Variants in C19orf84 observed in about 807,000 individuals in gnomAD.
The protein encoded by C19orf84 is chromosome 19 open reading frame 84.
Under a neutral mutation model 4.0 loss-of-function variants are expected in C19orf84, and 1 was observed. That is an observed-to-expected ratio of 0.25 (90% CI 0.09 to 1.19). The LOEUF (loss-of-function observed/expected upper bound fraction) is 1.19, where lower values mean the gene tolerates loss of function less well. Ranked by LOEUF, C19orf84 falls within the 50% of genes most tolerant of loss-of-function variation. C19orf84 has a pLI of 0.50. For missense variants in C19orf84, 224 were observed against 246.8 expected (o/e 0.91, Z 0.62); for synonymous variants, 123 against 109.6 (o/e 1.12, Z -0.76).
chr19:51,389,454 G>T lies in C19orf84; in HGVS notation c.91C>A (p.Pro31Thr). Reference sequence around the variant, plus strand: ...TTCAGGAGCAAGGGTGGAGGGGCTGGGAGAGGCGCAGGGGGCCATGGCTCG... The same window carrying T: ...TTCAGGAGCAAGGGTGGAGGGGCTGTGAGAGGCGCAGGGGGCCATGGCTCG... ...GTEPWPPAPL[P>T]APPPLLLNST... is the part of the protein sequence containing the mutation. Residue 31 changes from proline (P) to threonine (T), a missense_variant, in exon 2 of 2, where the codon CCA (proline) becomes ACA (threonine). Pro to Thr is a conservative substitution (Grantham distance 38, BLOSUM62 -1). Transcript: ENST00000574814. This position sits in a 1 kb window ranked among gnomAD's most constrained non-coding sequence, Gnocchi z 4.7. 6.9e-7 allele frequency: 1 copy of T among 1,445,914 alleles called. No individual in the cohort carries two copies. The highest frequency in any genetic ancestry group is 1.4e-5 in the African/African-American group (1 of 70,174). The allele number at this position is 1,445,914 out of a possible 1,614,324, so 89.6% of individuals were successfully genotyped here.
Position 51,388,907 on chromosome 19 carries a change from C to G in C19orf84, c.*77G>C. ...AAGATGTTTCTTGGGGTTCTTCTGA[C>G]AGGGCTGAGATCACTCTGGGCCCCA... On this transcript the variant is annotated 3_prime_UTR_variant, in exon 2 of 2. Transcript: ENST00000574814. 2.1e-6 allele frequency: 3 copies of G among 1,456,662 alleles called. No homozygotes were observed. The highest frequency in any genetic ancestry group is 2.7e-6 in the Non-Finnish European group (3 of 1,092,072). 90.2% of individuals were successfully genotyped at this position (1,456,662 alleles called of 1,614,324 possible). A position where few individuals can be genotyped will look rare whatever the true frequency, so the allele number is the denominator to read the frequency against.
At position 51,388,366 on chromosome 19, in the gene C19orf84, G is replaced by T; in HGVS notation, c.*618C>A. 6.4e-6 allele frequency: 1 copy of T among 156,154 alleles called. No individual in the cohort carries two copies. Among genetic ancestry groups the T allele is most frequent in the Non-Finnish European group, 1.4e-5 (1 of 70,462 alleles). The allele number at this position is 156,154 out of a possible 1,614,324, so 9.7% of individuals were successfully genotyped here. The stretch of plus-strand genomic sequence containing the variant: ...CAGGCAGTGGGGTGGGGAGTCACAG[G>T]TGTCTGGGTATGTGGGGCCAATGCG... On this transcript the variant is annotated 3_prime_UTR_variant, in exon 2 of 2. Coordinates refer to ENST00000574814, the MANE Select transcript of C19orf84 (RefSeq NM_001193623.2).
rs1187186439 is a variant in C19orf84 at position 51,389,649 on chromosome 19, T to C, written c.36-140A>G. On this transcript the variant is annotated intron_variant, in intron 1 of 1. Coordinates refer to ENST00000574814, the MANE Select transcript of C19orf84 (RefSeq NM_001193623.2). This position sits in a 1 kb window ranked among gnomAD's most constrained non-coding sequence, Gnocchi z 4.7. ...GCCCACCTGTGACTTCCTCCCCCGCTTCTCTCTTTTTGTTTCTAACCCGGG... is the reference window on the plus strand; with the variant it reads ...GCCCACCTGTGACTTCCTCCCCCGCCTCTCTCTTTTTGTTTCTAACCCGGG... The C allele has an allele frequency of 1.6e-6, 1 of 612,546 alleles. No individual in the cohort carries two copies. The highest frequency in any genetic ancestry group is 3.4e-5 in the East Asian group (1 of 29,366). The allele number at this position is 612,546 out of a possible 1,614,324, so 37.9% of individuals were successfully genotyped here.
rs1395286382 is a variant in C19orf84, at chr19:51,389,205, T to C, written c.340A>G (p.Arg114Gly). The C allele has an allele frequency of 6.5e-7, 1 of 1,534,178 alleles. No homozygotes were observed. Among genetic ancestry groups the C allele is most frequent in the Non-Finnish European group, 8.7e-7 (1 of 1,145,832 alleles). Reference sequence around the variant, plus strand: ...TGCAGGCCTCGGCCCCAGCCTGGCCTGTGCCTGACTTCCCAGCCTCCGCGT... The same window carrying C: ...TGCAGGCCTCGGCCCCAGCCTGGCCCGTGCCTGACTTCCCAGCCTCCGCGT... ...RGRGGWEVRH[R>G]PGWGRGLHRR... The change falls in exon 2 of 2, where the codon AGG (arginine) becomes GGG (glycine). Residue 114 changes from arginine to glycine, a missense_variant. Physicochemically the swap from Arg to Gly is moderately radical, Grantham distance 125. Coordinates refer to ENST00000574814, the MANE Select transcript of C19orf84 (RefSeq NM_001193623.2). The surrounding 1 kb of genome is among the most constrained non-coding windows in gnomAD (Gnocchi z 4.7).
rs1055353693 is a variant in C19orf84, at chr19:51,388,679, C to T, written c.*305G>A. On this transcript the variant is annotated 3_prime_UTR_variant, in exon 2 of 2. Coordinates refer to ENST00000574814, the MANE Select transcript of C19orf84 (RefSeq NM_001193623.2). ...GATAGGGAATGGGGTTGGAGGAGCC[C>T]TGGGGGTTGAGAATGAGGTAAGGAT... The T allele has an allele frequency of 4.7e-6, 2 of 421,600 alleles. No individual in the cohort carries two copies. Among genetic ancestry groups the T allele is most frequent in the Middle Eastern group, 6.6e-4 (1 of 1,522 alleles). The allele number at this position is 421,600 out of a possible 1,614,324, so 26.1% of individuals were successfully genotyped here.
In C19orf84 at chr19:51,388,858, G is replaced by A; in HGVS notation, c.*126C>T. On this transcript the variant is annotated 3_prime_UTR_variant, in exon 2 of 2. Coordinates refer to ENST00000574814, the MANE Select transcript of C19orf84 (RefSeq NM_001193623.2). ...TCACAGGAGCTACTCCTGGGATTGT[G>A]GTTTTGGGGAGAGGGGAGGATGGAA... 1 of 1,092,656 alleles carries A rather than the reference G, an allele frequency of 9.2e-7. No homozygotes were observed. The highest frequency in any genetic ancestry group is 1.3e-6 in the Non-Finnish European group (1 of 782,994). 67.7% of individuals were successfully genotyped at this position (1,092,656 alleles called of 1,614,324 possible).
At chr19:51,390,321 C>T (rs1424497595) in intron 1 of C19orf84, 157 bp downstream of exon 1, 1 of 604,758 alleles carries the variant, frequency 1.7e-6, no homozygotes, top group Non-Finnish European at 2.5e-6. Flanking sequence ...CCAAGATCTT[C>T]TAAGATTCTG....
intron 1 of C19orf84, among the ~76,000 whole-genome samples, chr19:51,390,012 CTT>C (rs1987258672): frequency 6.6e-6 from 1 of 151,086 alleles, no homozygotes. Context: ...GGGTTTCACT[CTT>C]GTTGCCCAGA....
At chr19:51,390,419 C>A in intron 1 of C19orf84, 59 bp downstream of exon 1, 24 of 1,495,244 alleles carry the variant, frequency 1.6e-5, no homozygotes, top group Non-Finnish European at 2.1e-5. Flanking sequence ...CTCGTTTTCT[C>A]TGTCCCCTCC....
rs968121021 is a variant in C19orf84 at position 51,388,633 on chromosome 19, T to C, written c.*351A>G. On this transcript the variant is annotated 3_prime_UTR_variant, in exon 2 of 2. Transcript: ENST00000574814. ...TGGGGAAGAGAGAGGCAGGTAGGAG[T>C]GGCTTTGGGATTAGGGAGAGGATAG... is the stretch of plus-strand genomic sequence containing the variant. 1.8e-5 allele frequency: 5 copies of C among 281,220 alleles called. No individual in the cohort carries two copies. The highest frequency in any genetic ancestry group is 5.0e-5 in the South Asian group (1 of 20,056). 17.4% of individuals were successfully genotyped at this position (281,220 alleles called of 1,614,324 possible).
rs1472007625 is a variant in C19orf84, at chr19:51,389,534, G to C, written c.36-25C>G. ...CCTAGAACAACAAAAAGACAGGTCA[G>C]TGGGGCTCAGCGTCTCCGTACTTTC... is the stretch of plus-strand genomic sequence containing the variant. On this transcript the variant is annotated intron_variant, in intron 1 of 1. Transcript: ENST00000574814. This position sits in a 1 kb window ranked among gnomAD's most constrained non-coding sequence, Gnocchi z 4.7. 1 of 1,397,710 alleles carries C rather than the reference G, an allele frequency of 7.2e-7. No homozygotes were observed. The highest frequency in any genetic ancestry group is 9.3e-7 in the Non-Finnish European group (1 of 1,080,328). The allele number at this position is 1,397,710 out of a possible 1,614,324, so 86.6% of individuals were successfully genotyped here. A position where few individuals can be genotyped will look rare whatever the true frequency, so the allele number is the denominator to read the frequency against.
Position 51,389,227 on chromosome 19 carries a change from G to T in C19orf84, c.318C>A (p.Arg106=). 2 of 1,534,640 alleles carry T rather than the reference G, an allele frequency of 1.3e-6. No individual in the cohort carries two copies. The highest frequency in any genetic ancestry group is 1.7e-6 in the Non-Finnish European group (2 of 1,146,074). Residue 106 remains arginine (R), a synonymous_variant, in exon 2 of 2, where the codon CGC becomes CGA. Coordinates refer to ENST00000574814, the MANE Select transcript of C19orf84 (RefSeq NM_001193623.2). This position sits in a 1 kb window ranked among gnomAD's most constrained non-coding sequence, Gnocchi z 4.7. ...GCCTGTGCCTGACTTCCCAGCCTCCGCGTCCCCTGGGAGGCCTCCTAACTG... is the reference window on the plus strand; with the variant it reads ...GCCTGTGCCTGACTTCCCAGCCTCCTCGTCCCCTGGGAGGCCTCCTAACTG... The part of the protein sequence containing the change: ...PGAVRRPPRG[R]GGWEVRHRPG...
In C19orf84 at chr19:51,388,822, C is replaced by T; in HGVS notation, c.*162G>A. Reference sequence around the variant, plus strand: ...GGATTCAGGTGACTTAGGTCAGGTTCACCAAGTGCCTCACAGGAGCTACTC... The same window carrying T: ...GGATTCAGGTGACTTAGGTCAGGTTTACCAAGTGCCTCACAGGAGCTACTC... On this transcript the variant is annotated 3_prime_UTR_variant, in exon 2 of 2. Transcript: ENST00000574814. 1 of 765,884 alleles carries T rather than the reference C, an allele frequency of 1.3e-6. No homozygotes were observed. The highest frequency in any genetic ancestry group is 2.0e-6 in the Non-Finnish European group (1 of 489,150). The allele number at this position is 765,884 out of a possible 1,614,324, so 47.4% of individuals were successfully genotyped here. A position where few individuals can be genotyped will look rare whatever the true frequency, so the allele number is the denominator to read the frequency against.
chr19:51,388,809 CTT>C lies in C19orf84; in HGVS notation c.*173_*174del. On this transcript the variant is annotated 3_prime_UTR_variant, in exon 2 of 2. Transcript: ENST00000574814. The stretch of plus-strand genomic sequence containing the variant: ...TTCTTCTCACTTGGGATTCAGGTGA[CTT>C]AGGTCAGGTTCACCAAGTGCCTCAC... 1.5e-6 allele frequency: 1 copy of C among 686,580 alleles called. No homozygotes were observed. Among genetic ancestry groups the C allele is most frequent in the South Asian group, 1.9e-5 (1 of 51,364 alleles). The allele number at this position is 686,580 out of a possible 1,614,324, so 42.5% of individuals were successfully genotyped here.
In C19orf84 at chr19:51,388,667, G is replaced by A. The variant is rs938612637; in HGVS notation, c.*317C>T. 2.5e-5 allele frequency: 10 copies of A among 395,708 alleles called. No homozygotes were observed. Among genetic ancestry groups the A allele is most frequent in the Non-Finnish European group, 4.6e-5 (10 of 218,676 alleles). The allele number at this position is 395,708 out of a possible 1,614,324, so 24.5% of individuals were successfully genotyped here. ...GATTAGGGAGAGGATAGGGAATGGG[G>A]TTGGAGGAGCCCTGGGGGTTGAGAA... On this transcript the variant is annotated 3_prime_UTR_variant, in exon 2 of 2. Coordinates refer to ENST00000574814, the MANE Select transcript of C19orf84 (RefSeq NM_001193623.2).
In C19orf84 at chr19:51,389,424, T is replaced by A. The variant is rs1987224816; in HGVS notation, c.121A>T (p.Thr41Ser). 6.8e-7 allele frequency: 1 copy of A among 1,472,642 alleles called. No homozygotes were observed. Among genetic ancestry groups the A allele is most frequent in the South Asian group, 1.4e-5 (1 of 73,992 alleles). 91.2% of individuals were successfully genotyped at this position (1,472,642 alleles called of 1,614,324 possible). The change falls in exon 2 of 2, where the codon ACA becomes TCA. Residue 41 changes from threonine to serine, a missense_variant. Coordinates refer to ENST00000574814, the MANE Select transcript of C19orf84 (RefSeq NM_001193623.2). This position sits in a 1 kb window ranked among gnomAD's most constrained non-coding sequence, Gnocchi z 4.7. ...GGGAGCCCCAGGTGGGTGGGGTCTG[T>A]GGAGTTCAGGAGCAAGGGTGGAGGG... Reference protein sequence around the residue: ...PAPPPLLLNSTDPTHLGLPES... With the variant: ...PAPPPLLLNSSDPTHLGLPES...
In C19orf84 at chr19:51,389,750, C is replaced by T. The variant is rs1021146450; in HGVS notation, c.36-241G>A. On this transcript the variant is annotated intron_variant, in intron 1 of 1. Coordinates refer to ENST00000574814, the MANE Select transcript of C19orf84 (RefSeq NM_001193623.2). This position sits in a 1 kb window ranked among gnomAD's most constrained non-coding sequence, Gnocchi z 4.7. ...ACTCAGTTCCAATTCCTGGTGGCCT[C>T]GCTTTTGGTGGTGTATCTTTGGACA... is the stretch of plus-strand genomic sequence containing the variant. 2.6e-5 allele frequency among the ~76,000 whole-genome samples: 4 copies of T among 152,142 alleles called. No individual in the cohort carries two copies. Among genetic ancestry groups the T allele is most frequent in the South Asian group, 2.1e-4 (1 of 4,824 alleles).
intron 1 of C19orf84, among the ~76,000 whole-genome samples, chr19:51,390,144 A>C (rs1229560866): frequency 1.3e-5 from 2 of 151,818 alleles, no homozygotes; most frequent in Non-Finnish European, 2.9e-5. Flanking sequence ...ACGCCCGTCT[A>C]ATTTTGTATT....
At position 51,390,538 on chromosome 19, in the gene C19orf84, T is replaced by G. The variant is rs1987284924; in HGVS notation, c.-26A>C. On this transcript the variant is annotated 5_prime_UTR_variant, in exon 1 of 2. Coordinates refer to ENST00000574814, the MANE Select transcript of C19orf84 (RefSeq NM_001193623.2). ...CTCCACTGGGGCCCTCTTACGTATC[T>G]TCTAGCAACTTCGCCTCCGAGATCC... is the stretch of plus-strand genomic sequence containing the variant. The G allele has an allele frequency of 6.6e-7, 1 of 1,518,986 alleles. No individual in the cohort carries two copies. The highest frequency in any genetic ancestry group is 2.0e-5 in the Admixed American group (1 of 49,576). The allele number at this position is 1,518,986 out of a possible 1,614,324, so 94.1% of individuals were successfully genotyped here.
Sources: gnomAD v4.1 joint callset for allele counts (sites outside exome capture counted in the v4.1 genomes callset) on GRCh38, gnomAD v4.1.1 for gene constraint, Gnocchi (gnomAD v3.1) non-coding constraint, MANE v1.5 for transcripts, NCBI Gene and HGNC (gene_info 2026-07-23, HGNC 2026-07-21) for gene names.